The following LRBA variants were observed in gnomAD, a reference collection of about 807,000 sequenced individuals.
LRBA encodes the protein lipopolysaccharide-responsive and beige-like anchor protein.
LRBA carries 176 observed loss-of-function variants against 330.0 expected under a neutral mutation model. That is an observed-to-expected ratio of 0.53 (90% CI 0.47 to 0.60). LRBA has a LOEUF of 0.60. Among genes scored for constraint, LRBA ranks in the 20% least tolerant of loss-of-function variants. The pLI is 0.00. For missense variants in LRBA, 3,259 were observed against 3,444.8 expected, an observed-to-expected ratio of 0.95 and a Z score of 1.35; for synonymous variants, 1,230 against 1,193.0, an observed-to-expected ratio of 1.03 and a Z score of -0.64.
At chr4:150,555,546 C>T (rs1192792729) in intron 40 of LRBA, among the ~76,000 whole-genome samples, 2 of 151,972 alleles carry the variant, frequency 1.3e-5, no homozygotes, top group African/African-American at 4.8e-5. Flanking sequence ...GTCAAGAGAT[C>T]GAGACCATCC....
chr4:150,685,647 C>A (rs1224140272), intron 36 of LRBA, among the ~76,000 whole-genome samples: 1 of 150,760 alleles, frequency 6.6e-6, no homozygotes. Context: ...GTTGCCCAGG[C>A]TGGTCTTGAA....
chr4:150,381,868 T>C (rs1742316333), intron 47 of LRBA, among the ~76,000 whole-genome samples: 1 of 152,220 alleles, frequency 6.6e-6, no homozygotes, highest in Non-Finnish European at 1.5e-5. Context: ...TGTGAAGTGG[T>C]ATCTCACGTG....
intron 47 of LRBA, among the ~76,000 whole-genome samples, chr4:150,399,928 A>T (rs1036957248): frequency 2.6e-5 from 4 of 152,126 alleles, no homozygotes; most frequent in Non-Finnish European, 5.9e-5. Flanking sequence ...GTGGGCGGAG[A>T]TCGCACCACT....
chr4:150,678,691 A>T (rs1034001949), intron 37 of LRBA, among the ~76,000 whole-genome samples: 4 of 152,206 alleles, frequency 2.6e-5, no homozygotes, highest in African/African-American at 9.6e-5. Flanking sequence ...TTATTAAGCC[A>T]TCTTACAATG....
intron 28 of LRBA, among the ~76,000 whole-genome samples, chr4:150,838,436 CGTAG>C (rs1748508180): frequency 6.6e-6 from 1 of 152,180 alleles, no homozygotes; most frequent in African/African-American, 2.4e-5. Flanking sequence ...ACCAATCAGA[CGTAG>C]ATTTGGTCTT....
intron 4 of LRBA, among the ~76,000 whole-genome samples, chr4:150,925,817 C>A (rs1430046521): frequency 6.6e-6 from 1 of 151,830 alleles, no homozygotes; most frequent in African/African-American, 2.4e-5. Flanking sequence ...TAAATAAAAA[C>A]CAAAATCAAA....
intron 34 of LRBA, among the ~76,000 whole-genome samples, chr4:150,795,126 T>C (rs999879592): frequency 6.6e-6 from 1 of 152,110 alleles, no homozygotes. Flanking sequence ...CAGACTGAAT[T>C]AGGACTAGCA....
intron 48 of LRBA, among the ~76,000 whole-genome samples, chr4:150,341,235 C>T (rs1318740838): frequency 6.6e-6 from 1 of 152,172 alleles, no homozygotes; most frequent in Admixed American, 6.5e-5. Context: ...GATCTGAACT[C>T]ACTGCAACCT....
chr4:150,612,510 T>G (rs1359233517), intron 37 of LRBA, among the ~76,000 whole-genome samples: 4 of 152,240 alleles, frequency 2.6e-5, no homozygotes, highest in Non-Finnish European at 5.9e-5. Context: ...CTCTGAATAG[T>G]TGCTGTCATC....
chr4:150,603,589 G>C (rs1008837030), intron 37 of LRBA, among the ~76,000 whole-genome samples: 6 of 152,086 alleles, frequency 3.9e-5, no homozygotes, highest in African/African-American at 1.2e-4. Flanking sequence ...TAACTTTTGG[G>C]CTCAAAAGAT....
intron 2 of LRBA, among the ~76,000 whole-genome samples, chr4:150,983,292 C>CA (rs1341167022): frequency 4.6e-5 from 7 of 151,634 alleles, no homozygotes; most frequent in Admixed American, 1.3e-4. Flanking sequence ...ACCATCTCTA[C>CA]AAAAAATCAA....
At chr4:150,886,908 T>C (rs1579099591) in intron 17 of LRBA, among the ~76,000 whole-genome samples, 1 of 152,098 alleles carries the variant, frequency 6.6e-6, no homozygotes, top group Non-Finnish European at 1.5e-5. Context: ...GTTGGACTTA[T>C]CACACAAAGA....
intron 52 of LRBA, among the ~76,000 whole-genome samples, chr4:150,306,187 G>T (rs1291085385): frequency 6.6e-6 from 1 of 152,098 alleles, no homozygotes; most frequent in Non-Finnish European, 1.5e-5. Context: ...CTGCTGTTCT[G>T]GTTGTGGCCC....
intron 37 of LRBA, among the ~76,000 whole-genome samples, chr4:150,613,474 G>T (rs1207623634): frequency 1.3e-5 from 2 of 152,210 alleles, no homozygotes; most frequent in African/African-American, 4.8e-5. Context: ...AGAAACAATT[G>T]GGTATAAGCT....
chr4:150,489,917 A>G (rs1460855556), intron 41 of LRBA, among the ~76,000 whole-genome samples: 1 of 150,828 alleles, frequency 6.6e-6, no homozygotes, highest in Non-Finnish European at 1.5e-5. Context: ...GGCAACAGAA[A>G]AACACACATA....
chr4:150,985,144 A>C (rs1032462407), intron 2 of LRBA, among the ~76,000 whole-genome samples: 1 of 151,818 alleles, frequency 6.6e-6, no homozygotes, highest in Non-Finnish European at 1.5e-5. Flanking sequence ...CTGTAATCCC[A>C]GCTACTCGAG....
At chr4:150,724,288 T>C (rs1018317315) in intron 36 of LRBA, among the ~76,000 whole-genome samples, 12 of 152,036 alleles carry the variant, frequency 7.9e-5, no homozygotes, top group Admixed American at 6.6e-5. Context: ...CCTGTTTGTA[T>C]GGGAGAAAGG....
chr4:150,584,791 T>G (rs1355985140), intron 40 of LRBA: 1 of 159,456 alleles, frequency 6.3e-6, no homozygotes, highest in Non-Finnish European at 1.5e-5. Flanking sequence ...GCAAGAAGCT[T>G]CCACTTGAAC....
In LRBA at chr4:150,786,743, G is replaced by A. The variant is rs150388975; in HGVS notation, c.5580+11338C>T. 1.4e-3 allele frequency among the ~76,000 whole-genome samples: 211 copies of A among 152,234 alleles called. 2 individuals are homozygous for A. Among genetic ancestry groups the A allele is most frequent in the African/African-American group, 4.7e-3 (194 of 41,530 alleles). On this transcript the variant is annotated intron_variant, in intron 34 of 56. Coordinates refer to ENST00000651943, the MANE Select transcript of LRBA (RefSeq NM_001364905.1). ...AAAACCCTAGTCTCCAAATTTTTAG[G>A]GAGGCTGATCTGAGTACTAATAAAA...
Sources: gnomAD v4.1 joint callset for allele counts (sites outside exome capture counted in the v4.1 genomes callset) on GRCh38, gnomAD v4.1.1 for gene constraint, MANE v1.5 for transcripts, NCBI Gene and HGNC (gene_info 2026-07-23, HGNC 2026-07-21) for gene names.